The following PTPRT variants were observed in gnomAD, a reference collection of about 807,000 sequenced individuals.
PTPRT encodes the protein protein tyrosine phosphatase receptor type T, also known as receptor-type tyrosine-protein phosphatase T.
Under a neutral mutation model 176.8 loss-of-function variants are expected in PTPRT, and 56 were observed. The ratio of observed to expected loss-of-function variants is 0.32; its 90% CI spans 0.26 to 0.40. The LOEUF is 0.40. PTPRT is among the 10% of genes least tolerant of loss of function. The probability of loss-of-function intolerance (pLI) is 1.00; values close to 1 mark genes in which losing one functional copy is unlikely to be tolerated. For synonymous variants in PTPRT, 783 were observed against 739.0 expected (o/e 1.06, Z -0.96); for missense variants, 1,540 against 1,908.2 (o/e 0.81, Z 3.60).
intron 7 of PTPRT, among the ~76,000 whole-genome samples, chr20:42,555,236 A>T (rs1453379631): frequency 6.6e-6 from 1 of 152,170 alleles, no homozygotes; most frequent in African/African-American, 2.4e-5. Flanking sequence ...TACATCATCC[A>T]TTGTTTATCT....
At chr20:42,609,660 C>A (rs2073940752) in intron 7 of PTPRT, among the ~76,000 whole-genome samples, 1 of 152,150 alleles carries the variant, frequency 6.6e-6, no homozygotes, top group South Asian at 2.1e-4. Context: ...AGCTGAGTAA[C>A]CAGCTGCAAA....
intron 7 of PTPRT, among the ~76,000 whole-genome samples, chr20:42,535,922 C>A (rs573700885): frequency 6.6e-6 from 1 of 152,146 alleles, no homozygotes; most frequent in African/African-American, 2.4e-5. Flanking sequence ...ACTTTCTCAT[C>A]CTGAGTTCAG....
intron 1 of PTPRT, among the ~76,000 whole-genome samples, chr20:43,134,807 T>C (rs6072993): frequency 0.95 from 144,248 of 152,322 alleles, 68,819 homozygotes; most frequent in East Asian, 1. Context: ...TCTGTGATAA[T>C]AGAATGCTGT....
intron 7 of PTPRT, among the ~76,000 whole-genome samples, chr20:42,561,797 C>T (rs2072955805): frequency 6.6e-6 from 1 of 152,192 alleles, no homozygotes; most frequent in Admixed American, 6.5e-5. Context: ...GAGCATAAAA[C>T]TATAAAATGG....
chr20:43,050,103 T>C (rs1208561766), intron 1 of PTPRT, among the ~76,000 whole-genome samples: 2 of 152,224 alleles, frequency 1.3e-5, no homozygotes, highest in Non-Finnish European at 1.5e-5. Flanking sequence ...CAACATGGTC[T>C]CTGAGCTCCA....
chr20:42,082,577 TTGGA>T (rs1445026783), intron 29 of PTPRT, among the ~76,000 whole-genome samples: 3 of 152,186 alleles, frequency 2.0e-5, no homozygotes, highest in Non-Finnish European at 4.4e-5. Flanking sequence ...AGGTAGGAAC[TTGGA>T]GGGAGGAACT....
At chr20:42,215,510 C>A (rs6093594) in intron 15 of PTPRT, among the ~76,000 whole-genome samples, 3,740 of 152,212 alleles carry the variant, frequency 0.025, 150 homozygotes, top group African/African-American at 0.084. Flanking sequence ...TCCTTGCTTT[C>A]ATTTTTAATT....
intron 17 of PTPRT, among the ~76,000 whole-genome samples, chr20:42,155,597 T>C (rs1251199542): frequency 1.3e-5 from 2 of 152,206 alleles, no homozygotes; most frequent in Non-Finnish European, 2.9e-5. Context: ...TTAATGAATG[T>C]TATAGGACTT....
At chr20:42,462,912 C>T (rs2071044343) in intron 8 of PTPRT, among the ~76,000 whole-genome samples, 1 of 152,142 alleles carries the variant, frequency 6.6e-6, no homozygotes, top group African/African-American at 2.4e-5. Context: ...AGTCCTTAAA[C>T]CAAGGTTGCA....
chr20:42,905,640 C>T (rs559583939), intron 1 of PTPRT, among the ~76,000 whole-genome samples: 6 of 152,216 alleles, frequency 3.9e-5, no homozygotes, highest in South Asian at 2.1e-4. Flanking sequence ...TGGCACTATT[C>T]GCAATAGCAA....
At chr20:42,052,890 T>G in the PTPRT span, among the ~76,000 whole-genome samples, 4 of 152,138 alleles carry the variant, frequency 2.6e-5, no homozygotes, top group African/African-American at 9.7e-5. Context: ...CCCAGCTACT[T>G]GTAGAACTCA....
At chr20:42,526,670 A>C (rs2072272712) in intron 7 of PTPRT, among the ~76,000 whole-genome samples, 2 of 151,814 alleles carry the variant, frequency 1.3e-5, no homozygotes, top group South Asian at 4.2e-4. Context: ...TTGTATTATA[A>C]GTTTTTGTGT....
chr20:42,240,543 A>G (rs1228198548), intron 14 of PTPRT, among the ~76,000 whole-genome samples: 3 of 152,222 alleles, frequency 2.0e-5, no homozygotes, highest in Non-Finnish European at 2.9e-5. Context: ...CTTCAGGCAC[A>G]GTTTTCTTTT....
Position 42,186,372 on chromosome 20 carries a change from TC to T in PTPRT, c.2491+12867del, listed in dbSNP as rs1990782576. 5.9e-5 allele frequency among the ~76,000 whole-genome samples: 4 copies of T among 67,304 alleles called. No homozygotes were observed. The South Asian group carries it at 1.8e-3, about 31-fold the overall frequency. 44.2% of individuals were successfully genotyped at this position (67,304 alleles called of 152,430 possible). A position where few individuals can be genotyped will look rare whatever the true frequency, so the allele number is the denominator to read the frequency against. On this transcript the variant is annotated intron_variant, in intron 16 of 30. Coordinates refer to ENST00000373187, the MANE Select transcript of PTPRT (RefSeq NM_007050.6). ...GGCCTATGGGCCTCCCATCCCACGC[TC>T]CTTCTACCACATTCCTTCTACCACA... is the stretch of plus-strand genomic sequence containing the variant.
intron 1 of PTPRT, among the ~76,000 whole-genome samples, chr20:43,111,963 C>T (rs529090637): frequency 6.6e-6 from 1 of 152,316 alleles, no homozygotes; most frequent in South Asian, 2.1e-4. Context: ...CATCTCATCA[C>T]TAGGCAGGAC....
the PTPRT span, among the ~76,000 whole-genome samples, chr20:42,040,108 CTCT>C: frequency 6.6e-6 from 1 of 151,942 alleles, no homozygotes; most frequent in Non-Finnish European, 1.5e-5. Flanking sequence ...CATTTTTTAT[CTCT>C]TGTCTTGTTG....
chr20:42,595,109 G>A (rs1274471891), intron 7 of PTPRT, among the ~76,000 whole-genome samples: 1 of 152,072 alleles, frequency 6.6e-6, no homozygotes, highest in Non-Finnish European at 1.5e-5. Context: ...GCATCGCAGA[G>A]GCCAAACTGT....
chr20:42,786,903 T>C (rs1010052701), intron 3 of PTPRT, among the ~76,000 whole-genome samples: 1 of 152,186 alleles, frequency 6.6e-6, no homozygotes, highest in Non-Finnish European at 1.5e-5. Context: ...TGGACTTCAC[T>C]ATGCAACTCT....
Position 42,075,079 on chromosome 20 carries a change from G to A in PTPRT, c.*5800C>T. 2.6e-6 allele frequency: 1 copy of A among 381,232 alleles called. No homozygotes were observed. The allele number at this position is 381,232 out of a possible 1,614,324, so 23.6% of individuals were successfully genotyped here. ...GCAGATCCCTGCAAGACAAAGCCAA[G>A]GCCTTGCATTCTATCACTTCTAGAC... On this transcript the variant is annotated 3_prime_UTR_variant, in exon 31 of 31. Transcript: ENST00000373187.
Sources: gnomAD v4.1 joint callset for allele counts (sites outside exome capture counted in the v4.1 genomes callset) on GRCh38, gnomAD v4.1.1 for gene constraint, MANE v1.5 for transcripts, NCBI Gene and HGNC (gene_info 2026-07-23, HGNC 2026-07-21) for gene names.